Variants in ARHGEF10 observed in about 807,000 individuals in gnomAD.
The protein encoded by ARHGEF10 is Rho guanine nucleotide exchange factor (GEF) 10.
A neutral mutation model predicts 147.4 loss-of-function variants in ARHGEF10; 140 were observed. That is an observed-to-expected ratio of 0.95 (90% CI 0.83 to 1.09). The LOEUF is 1.09. Ranked by LOEUF, ARHGEF10 falls within the 50% of genes least tolerant of loss-of-function variation. The pLI is 0.00. For missense variants in ARHGEF10, 2,222 were observed against 1,752.7 expected, an observed-to-expected ratio of 1.27 and a Z score of -4.78; for synonymous variants, 902 against 695.8, an observed-to-expected ratio of 1.30 and a Z score of -4.67.
Position 1,857,983 on chromosome 8 carries a change from A to T in ARHGEF10, c.61A>T (p.Asn21Tyr), listed in dbSNP as rs752425670. 1.2e-6 allele frequency: 2 copies of T among 1,614,046 alleles called. No individual in the cohort carries two copies. Among genetic ancestry groups the T allele is most frequent in the South Asian group, 2.2e-5 (2 of 91,062 alleles). ...PAENEMKYDTNNNEEEEGEQF... is the reference protein window; with the variant it reads ...PAENEMKYDTYNNEEEEGEQF... ...AGAAAATGAAATGAAATATGATACC[A>T]ATAATAATGAAGAGGAAGAGGGAGA... is the stretch of plus-strand genomic sequence containing the variant. Residue 21 changes from asparagine (N) to tyrosine (Y), a missense_variant, in exon 3 of 29, where the codon AAT (asparagine) becomes TAT (tyrosine). Coordinates refer to ENST00000349830, the MANE Select transcript of ARHGEF10 (RefSeq NM_014629.4).
chr8:1,883,809 G>A (rs1808418648), intron 10 of ARHGEF10, among the ~76,000 whole-genome samples: 1 of 152,174 alleles, frequency 6.6e-6, no homozygotes, highest in African/African-American at 2.4e-5. Context: ...AGGCAGCTCT[G>A]TCCAGTGAGG....
At chr8:1,890,596 C>A (rs1425151899) in intron 11 of ARHGEF10, among the ~76,000 whole-genome samples, 1 of 135,634 alleles carries the variant, frequency 7.4e-6, no homozygotes, top group African/African-American at 3.0e-5. Flanking sequence ...TGTGAGGAGA[C>A]ACTGAGTTTG....
chr8:1,849,716 G>T, intron 2 of ARHGEF10, among the ~76,000 whole-genome samples: 1 of 145,876 alleles, frequency 6.9e-6, no homozygotes, highest in Admixed American at 6.8e-5. Flanking sequence ...GCATGGGGTG[G>T]CCACGTGGTC....
At chr8:1,915,938 A>G (rs1021846846) in intron 18 of ARHGEF10, among the ~76,000 whole-genome samples, 3 of 152,234 alleles carry the variant, frequency 2.0e-5, no homozygotes, top group East Asian at 1.9e-4. Context: ...TCAAGTTGAC[A>G]TTCCAGAAAC....
At chr8:1,925,848 G>T (rs577747845) in intron 22 of ARHGEF10, among the ~76,000 whole-genome samples, 1 of 152,326 alleles carries the variant, frequency 6.6e-6, no homozygotes, top group South Asian at 2.1e-4. Context: ...TGTTCCCAGT[G>T]TTGCTGACTC....
At chr8:1,866,409 A>G in intron 5 of ARHGEF10, 117 bp from the exon 6 acceptor site, 1 of 829,282 alleles carries the variant, frequency 1.2e-6, no homozygotes, top group Non-Finnish European at 2.0e-6. Context: ...AGTAACATAT[A>G]TATATATATT....
At chr8:1,913,501 G>T (rs1328586873) in intron 18 of ARHGEF10, among the ~76,000 whole-genome samples, 3 of 152,218 alleles carry the variant, frequency 2.0e-5, no homozygotes, top group Non-Finnish European at 4.4e-5. Flanking sequence ...AATGAATGAA[G>T]GTAAAAAGCA....
intron 26 of ARHGEF10, among the ~76,000 whole-genome samples, chr8:1,944,281 G>A (rs1217421890): frequency 2.0e-5 from 3 of 151,496 alleles, no homozygotes; most frequent in African/African-American, 4.9e-5. Context: ...CCAGCCCTGC[G>A]TGCCCAGCCT....
In ARHGEF10 at chr8:1,957,446, A is replaced by G; in HGVS notation, c.*183A>G. The G allele has an allele frequency of 1.2e-6, 1 of 833,640 alleles. No homozygotes were observed. Among genetic ancestry groups the G allele is most frequent in the Non-Finnish European group, 1.8e-6 (1 of 546,506 alleles). 51.6% of individuals were successfully genotyped at this position (833,640 alleles called of 1,614,324 possible). A position where few individuals can be genotyped will look rare whatever the true frequency, so the allele number is the denominator to read the frequency against. On this transcript the variant is annotated 3_prime_UTR_variant, in exon 29 of 29. Transcript: ENST00000349830. ...TGCCAATTCCTTCCTTCTCTTCTGT[A>G]CAGCAGAAGTAATTACAAGCACTTC...
chr8:1,836,617 G>C (rs1803598685), intron 1 of ARHGEF10, among the ~76,000 whole-genome samples: 1 of 152,168 alleles, frequency 6.6e-6, no homozygotes, highest in Non-Finnish European at 1.5e-5. Context: ...GGGGGAGCAG[G>C]CTGTGGGGGG....
chr8:1,923,353 C>A (rs1028233487), intron 19 of ARHGEF10, 115 bp from the exon 20 acceptor site: 2 of 1,475,868 alleles, frequency 1.4e-6, no homozygotes, highest in Admixed American at 3.6e-5. Context: ...TTTTCATAAT[C>A]TAATAGTTTC....
intron 1 of ARHGEF10, among the ~76,000 whole-genome samples, chr8:1,829,386 G>A (rs1802955514): frequency 6.6e-6 from 1 of 152,260 alleles, no homozygotes; most frequent in African/African-American, 2.4e-5. Context: ...GTGGGCGGTT[G>A]CCCTGTGTGG....
At chr8:1,873,476 GGCGCCCGCGGGGTA>G (rs1563209710) in intron 7 of ARHGEF10, among the ~76,000 whole-genome samples, 14 of 146,042 alleles carry the variant, frequency 9.6e-5, no homozygotes, top group East Asian at 6.3e-4. Context: ...TGCGTTGAGA[GGCGCCCGCGGGGTA>G]GTGCACCCGC....
At chr8:1,951,843 C>G (rs1285319426) in intron 27 of ARHGEF10, among the ~76,000 whole-genome samples, 3 of 150,990 alleles carry the variant, frequency 2.0e-5, no homozygotes, top group Admixed American at 1.3e-4. Context: ...CCTGAAACCA[C>G]AGTGAGGCGG....
intron 27 of ARHGEF10, chr8:1,945,980 A>G (rs1247871530): frequency 4.2e-6 from 2 of 478,320 alleles, no homozygotes; most frequent in Non-Finnish European, 7.7e-6. Context: ...CGGTGCAACA[A>G]GGCCCTGGGG....
intron 19 of ARHGEF10, 128 bp downstream of exon 19, chr8:1,923,207 A>G: frequency 1.1e-6 from 1 of 901,236 alleles, no homozygotes; most frequent in Non-Finnish European, 1.7e-6. Flanking sequence ...ATCTGAATGT[A>G]CATTTTCTCT....
In ARHGEF10 at chr8:1,909,403, C is replaced by G; in HGVS notation, c.2076C>G (p.Gly692=). ...AGTATGGCAGCAGCGCAGGCACGGGCGAGCACAGCAGGCACCTTGCCGTTC... is the reference window on the plus strand; with the variant it reads ...AGTATGGCAGCAGCGCAGGCACGGGGGAGCACAGCAGGCACCTTGCCGTTC... ...AIEYGSSAGT[G]EHSRHLAVHP... is the part of the protein sequence containing the mutation. Residue 692 remains glycine (G), a synonymous_variant, in exon 18 of 29, where the codon GGC becomes GGG. Transcript: ENST00000349830. 6.2e-7 allele frequency: 1 copy of G among 1,614,098 alleles called. No homozygotes were observed. The highest frequency in any genetic ancestry group is 8.5e-7 in the Non-Finnish European group (1 of 1,180,042).
chr8:1,927,295 C>G (rs973231566), intron 23 of ARHGEF10: 1 of 152,314 alleles, frequency 6.6e-6, no homozygotes, highest in African/African-American at 2.4e-5. Flanking sequence ...GCCCCCAGGC[C>G]CTGTAGGCAG....
At chr8:1,862,782 T>C (rs1467649989) in intron 4 of ARHGEF10, among the ~76,000 whole-genome samples, 70 of 146,034 alleles carry the variant, frequency 4.8e-4, no homozygotes, top group Admixed American at 8.8e-4. Flanking sequence ...CTTCTTTTTT[T>C]TTTTTTTTTT....
Sources: gnomAD v4.1 joint callset for allele counts (sites outside exome capture counted in the v4.1 genomes callset) on GRCh38, gnomAD v4.1.1 for gene constraint, MANE v1.5 for transcripts, NCBI Gene and HGNC (gene_info 2026-07-23, HGNC 2026-07-21) for gene names.